Variants in FZD3 observed in about 807,000 individuals in gnomAD.
The protein encoded by FZD3 is frizzled class receptor 3, also known as frizzled-3.
A neutral mutation model predicts 60.7 loss-of-function variants in FZD3; 30 were observed. The ratio of observed to expected loss-of-function variants is 0.49; its 90% CI spans 0.37 to 0.67. The LOEUF (loss-of-function observed/expected upper bound fraction) is 0.67. Ranked by LOEUF, FZD3 falls within the 30% of genes least tolerant of loss-of-function variation. The pLI is 0.00. For synonymous variants in FZD3, 246 were observed against 275.2 expected (o/e 0.89, Z 1.05); for missense variants, 605 against 838.7 (o/e 0.72, Z 3.44).
At chr8:28,545,481 G>A (rs114902677) in intron 5 of FZD3, among the ~76,000 whole-genome samples, 1 of 152,190 alleles carries the variant, frequency 6.6e-6, no homozygotes, top group African/African-American at 2.4e-5. Flanking sequence ...AGAGAAAGGT[G>A]ATTGAGAAGA....
At chr8:28,541,126 T>C (rs1039736248) in intron 5 of FZD3, among the ~76,000 whole-genome samples, 2 of 145,208 alleles carry the variant, frequency 1.4e-5, no homozygotes, top group African/African-American at 4.8e-5. Flanking sequence ...TATAAGTAGA[T>C]AATAATGTAT....
At chr8:28,547,232 T>C (rs139979247) in intron 5 of FZD3, among the ~76,000 whole-genome samples, 1 of 152,336 alleles carries the variant, frequency 6.6e-6, no homozygotes, top group African/African-American at 2.4e-5. Flanking sequence ...TGTCATTTAA[T>C]GATATATTTT....
intron 6 of FZD3, among the ~76,000 whole-genome samples, chr8:28,554,565 C>G (rs1346597900): frequency 6.6e-6 from 1 of 151,848 alleles, no homozygotes; most frequent in African/African-American, 2.4e-5. Context: ...TTTGAAAGTT[C>G]TTTAATTTCT....
chr8:28,505,631 A>C lies in FZD3; in HGVS notation c.189+2429A>C, dbSNP rs373986465. Among the ~76,000 whole-genome samples, 5 of 152,306 alleles carry C rather than the reference A, an allele frequency of 3.3e-5. 1 individual carries two copies. The East Asian group carries it at 9.6e-4, about 29-fold the overall frequency. On this transcript the variant is annotated intron_variant, in intron 3 of 7. Coordinates refer to ENST00000240093, the MANE Select transcript of FZD3 (RefSeq NM_017412.4). Reference sequence around the variant, plus strand: ...CCTCCCAAAGTGCTGGATTATAGGCATGAGCCACCGCGCCTGGCTGGAGTC... The same window carrying C: ...CCTCCCAAAGTGCTGGATTATAGGCCTGAGCCACCGCGCCTGGCTGGAGTC...
intron 7 of FZD3, among the ~76,000 whole-genome samples, chr8:28,556,685 A>G (rs1380985367): frequency 2.0e-5 from 3 of 150,852 alleles, no homozygotes; most frequent in African/African-American, 7.2e-5. Context: ...CTGCTGTTGT[A>G]GCATGAAAGC....
chr8:28,496,099 G>A (rs1163425014), intron 1 of FZD3, among the ~76,000 whole-genome samples: 2 of 152,132 alleles, frequency 1.3e-5, no homozygotes, highest in East Asian at 3.9e-4. Context: ...TGGGAGTTCC[G>A]TGATTGAGAT....
Position 28,527,307 on chromosome 8 carries a change from C to T in FZD3, c.547C>T (p.Arg183Cys), listed in dbSNP as rs200012243. Residue 183 changes from arginine to cysteine, a missense_variant, in exon 5 of 8, where the codon CGT becomes TGT. Transcript: ENST00000240093. The surrounding 1 kb of genome is among the most constrained non-coding windows in gnomAD (Gnocchi z 5.0). ...TCTGGGTTATTCTTTTCTGCATGTG[C>T]GTGATTGTTCACCTCCTTGTCCAAA... ...PDLGYSFLHV[R>C]DCSPPCPNMY... 1.7e-5 allele frequency: 28 copies of T among 1,613,900 alleles called. No individual in the cohort carries two copies. The highest frequency in any genetic ancestry group is 2.2e-5 in the East Asian group (1 of 44,872).
At chr8:28,540,196 G>C (rs986082506) in intron 5 of FZD3, among the ~76,000 whole-genome samples, 6 of 152,104 alleles carry the variant, frequency 3.9e-5, no homozygotes, top group Admixed American at 1.3e-4. Context: ...TTTTTTGCCA[G>C]GTATTCTCCA....
rs1805803288 is a variant in FZD3 at position 28,571,283 on chromosome 8, ATCC to A, written c.*8273_*8275del. On this transcript the variant is annotated 3_prime_UTR_variant, in exon 8 of 8. Transcript: ENST00000240093. ...AGGAAATTAACAAATGTCTTCCTTT[ATCC>A]CTGCCTCAGATAATTTTTCCCTGAA... 4 of 152,132 alleles carry A rather than the reference ATCC, an allele frequency of 2.6e-5. No homozygotes were observed. Among genetic ancestry groups the A allele is most frequent in the Non-Finnish European group, 4.4e-5 (3 of 68,008 alleles). 9.4% of individuals were successfully genotyped at this position (152,132 alleles called of 1,614,324 possible).
At chr8:28,543,170 T>C (rs955144175) in intron 5 of FZD3, among the ~76,000 whole-genome samples, 6 of 152,224 alleles carry the variant, frequency 3.9e-5, no homozygotes, top group African/African-American at 9.6e-5. Flanking sequence ...TTAGCTCTCT[T>C]TATCTTTTTT....
At position 28,555,826 on chromosome 8, in the gene FZD3, T is replaced by G; in HGVS notation, c.1642T>G (p.Ser548Ala). The change falls in exon 7 of 8, where the codon TCA (serine) becomes GCA (alanine). Residue 548 changes from serine (S) to alanine (A), a missense_variant. Ser to Ala is a moderately conservative substitution (Grantham distance 99). Transcript: ENST00000240093. ...RDPNTPIIRK[S>A]RGTSTQGTST... The stretch of plus-strand genomic sequence containing the variant: ...TCCAAATACTCCTATCATAAGAAAG[T>G]CAAGGGGAACTTCCACTCAAGGAAC... 6.2e-7 allele frequency: 1 copy of G among 1,613,646 alleles called. No individual in the cohort carries two copies. Among genetic ancestry groups the G allele is most frequent in the Non-Finnish European group, 8.5e-7 (1 of 1,179,566 alleles).
At chr8:28,536,759 C>G (rs1805026145) in intron 5 of FZD3, among the ~76,000 whole-genome samples, 1 of 152,156 alleles carries the variant, frequency 6.6e-6, no homozygotes, top group Non-Finnish European at 1.5e-5. Flanking sequence ...TTCTGTTCTT[C>G]TGAGCACACA....
In FZD3 at chr8:28,569,597, A is replaced by G. The variant is rs554900080; in HGVS notation, c.*6586A>G. On this transcript the variant is annotated 3_prime_UTR_variant, in exon 8 of 8. Transcript: ENST00000240093. ...GTATTATTTTACTAGATCAACCTGTATTATTAACGTCATTTACATGTAAAT... is the reference window on the plus strand; with the variant it reads ...GTATTATTTTACTAGATCAACCTGTGTTATTAACGTCATTTACATGTAAAT... The G allele has an allele frequency of 5.3e-5, 8 of 152,210 alleles. No homozygotes were observed. Among genetic ancestry groups the G allele is most frequent in the African/African-American group, 1.9e-4 (8 of 41,528 alleles). The allele number at this position is 152,210 out of a possible 1,614,324, so 9.4% of individuals were successfully genotyped here. A position where few individuals can be genotyped will look rare whatever the true frequency, so the allele number is the denominator to read the frequency against.
At chr8:28,509,036 G>A (rs1804216337) in intron 3 of FZD3, among the ~76,000 whole-genome samples, 1 of 152,102 alleles carries the variant, frequency 6.6e-6, no homozygotes, top group South Asian at 2.1e-4. Flanking sequence ...CTTTAGGGAT[G>A]TATATCAGCA....
At chr8:28,501,615 C>G (rs10086101) in intron 2 of FZD3, among the ~76,000 whole-genome samples, 2 of 152,124 alleles carry the variant, frequency 1.3e-5, no homozygotes, top group East Asian at 3.8e-4. Flanking sequence ...AATGTGATAG[C>G]TTAGAATATA....
chr8:28,538,991 A>G (rs1418443936), intron 5 of FZD3, among the ~76,000 whole-genome samples: 1 of 152,044 alleles, frequency 6.6e-6, no homozygotes, highest in Non-Finnish European at 1.5e-5. Context: ...TTCTGTGACT[A>G]AAGAACAGTT....
intron 5 of FZD3, among the ~76,000 whole-genome samples, chr8:28,542,701 C>T (rs1252635156): frequency 2.6e-5 from 4 of 152,146 alleles, no homozygotes; most frequent in African/African-American, 7.2e-5. Context: ...CACCCACACA[C>T]GCTATCCCCT....
At chr8:28,525,243 A>T (rs1804686638) in intron 4 of FZD3, among the ~76,000 whole-genome samples, 1 of 152,230 alleles carries the variant, frequency 6.6e-6, no homozygotes, top group Admixed American at 6.5e-5. Flanking sequence ...CAAAACAGAG[A>T]TCCTGTTCTT....
chr8:28,494,598 G>A (rs896731774), intron 1 of FZD3, among the ~76,000 whole-genome samples: 1 of 152,048 alleles, frequency 6.6e-6, no homozygotes, highest in African/African-American at 2.4e-5. Flanking sequence ...GGGCCTCGGG[G>A]ACGCCTAGTT....
Sources: gnomAD v4.1 joint callset for allele counts (sites outside exome capture counted in the v4.1 genomes callset) on GRCh38, gnomAD v4.1.1 for gene constraint, Gnocchi (gnomAD v3.1) non-coding constraint, MANE v1.5 for transcripts, NCBI Gene and HGNC (gene_info 2026-07-23, HGNC 2026-07-21) for gene names.